TEK: variants seen among roughly 807,000 people sequenced by gnomAD.
The protein encoded by TEK is TEK receptor tyrosine kinase, also known as angiopoietin-1 receptor.
TEK carries 43 observed loss-of-function variants against 131.8 expected under a neutral mutation model. That is an observed-to-expected ratio of 0.33 (90% CI 0.26 to 0.42). The LOEUF (loss-of-function observed/expected upper bound fraction) is 0.42, where lower values mean the gene tolerates loss of function less well. Among genes scored for constraint, TEK ranks in the 10% least tolerant of loss-of-function variants. The probability of loss-of-function intolerance (pLI) is 1.00; values close to 1 mark genes in which losing one functional copy is unlikely to be tolerated. For missense variants in TEK, 1,162 were observed against 1,384.4 expected, an observed-to-expected ratio of 0.84 and a Z score of 2.55; for synonymous variants, 580 against 491.6, an observed-to-expected ratio of 1.18 and a Z score of -2.38.
chr9:27,151,383 C>T (rs569478990), intron 1 of TEK, among the ~76,000 whole-genome samples: 31 of 152,188 alleles, frequency 2.0e-4, no homozygotes, highest in African/African-American at 7.5e-4. Context: ...AAATTAATAG[C>T]AACTTTAAGA....
At chr9:27,153,687 G>A (rs1177201964) in intron 1 of TEK, among the ~76,000 whole-genome samples, 1 of 152,206 alleles carries the variant, frequency 6.6e-6, no homozygotes, top group African/African-American at 2.4e-5. Flanking sequence ...TATAATGTAA[G>A]AAAGGGTATT....
At position 27,109,599 on chromosome 9, in the gene TEK, T is replaced by A; in HGVS notation, c.9T>A (p.Ser3=). The change falls in exon 1 of 23, where the codon TCT becomes TCA. Residue 3 remains serine (S), a synonymous_variant. Transcript: ENST00000380036. MD[S]LASLVLCGVS... ...GAGAGATTTGGGGAAGCATGGACTC[T>A]TTAGCCAGCTTAGTTCTCTGTGGAG... 6.2e-7 allele frequency: 1 copy of A among 1,614,212 alleles called. No individual in the cohort carries two copies. Among genetic ancestry groups the A allele is most frequent in the Non-Finnish European group, 8.5e-7 (1 of 1,180,026 alleles).
intron 1 of TEK, among the ~76,000 whole-genome samples, chr9:27,111,412 C>G (rs544771648): frequency 6.9e-4 from 105 of 152,242 alleles, no homozygotes; most frequent in Non-Finnish European, 9.8e-4. Context: ...CCATAGGAGC[C>G]CGTTCCTCTA....
intron 2 of TEK, among the ~76,000 whole-genome samples, chr9:27,164,236 A>G (rs1823645291): frequency 6.6e-6 from 1 of 152,050 alleles, no homozygotes; most frequent in South Asian, 2.1e-4. Context: ...CCTATCTCAT[A>G]GGGATATTAT....
intron 21 of TEK, among the ~76,000 whole-genome samples, chr9:27,225,057 G>A (rs1826258014): frequency 6.6e-6 from 1 of 152,162 alleles, no homozygotes; most frequent in Non-Finnish European, 1.5e-5. Context: ...CAAGGGATGT[G>A]AAGGACCTCT....
rs1310645613 is a variant in TEK at position 27,109,465 on chromosome 9, C to T, written c.-126C>T. 1 of 961,938 alleles carries T rather than the reference C, an allele frequency of 1.0e-6. No homozygotes were observed. Among genetic ancestry groups the T allele is most frequent in the Non-Finnish European group, 1.7e-6 (1 of 587,602 alleles). 59.6% of individuals were successfully genotyped at this position (961,938 alleles called of 1,614,324 possible). A position where few individuals can be genotyped will look rare whatever the true frequency, so the allele number is the denominator to read the frequency against. On this transcript the variant is annotated 5_prime_UTR_variant, in exon 1 of 23. Coordinates refer to ENST00000380036, the MANE Select transcript of TEK (RefSeq NM_000459.5). ...CTGCTTCTGTGCTGTTCCTTCTTGCCTCTAACTTGTAAACAAGACGTAGTA... is the reference window on the plus strand; with the variant it reads ...CTGCTTCTGTGCTGTTCCTTCTTGCTTCTAACTTGTAAACAAGACGTAGTA...
At position 27,212,831 on chromosome 9, in the gene TEK, C is replaced by T. The variant is rs183991501; in HGVS notation, c.2811C>T (p.Ser937=). 1.2e-6 allele frequency: 2 copies of T among 1,614,160 alleles called. No individual in the cohort carries two copies. Among genetic ancestry groups the T allele is most frequent in the East Asian group, 2.2e-5 (1 of 44,856 alleles). Reference sequence around the variant, plus strand: ...CCAATAGCACCGCGTCCACACTGTCCTCCCAGCAGCTCCTTCACTTCGCTG... The same window carrying T: ...CCAATAGCACCGCGTCCACACTGTCTTCCCAGCAGCTCCTTCACTTCGCTG... ...AIANSTASTL[S]SQQLLHFAAD... Residue 937 remains serine (S), a synonymous_variant, in exon 17 of 23, where the codon TCC becomes TCT. Coordinates refer to ENST00000380036, the MANE Select transcript of TEK (RefSeq NM_000459.5).
At chr9:27,114,656 A>G (rs1314416304) in intron 1 of TEK, among the ~76,000 whole-genome samples, 1 of 152,222 alleles carries the variant, frequency 6.6e-6, no homozygotes, top group Non-Finnish European at 1.5e-5. Context: ...TCTGATAATC[A>G]ATTTTATATA....
At chr9:27,177,983 C>G (rs1363483103) in intron 6 of TEK, among the ~76,000 whole-genome samples, 1 of 152,038 alleles carries the variant, frequency 6.6e-6, no homozygotes, top group Non-Finnish European at 1.5e-5. Flanking sequence ...TCACATTTGT[C>G]TATTTGTGCT....
chr9:27,217,616 C>G, intron 18 of TEK, 72 bp from the exon 19 acceptor site: 6 of 1,368,198 alleles, frequency 4.4e-6, no homozygotes, highest in Non-Finnish European at 6.3e-6. Context: ...TGTGGAGCCA[C>G]AGCTCAGGCA....
At chr9:27,113,875 A>G (rs975486769) in intron 1 of TEK, among the ~76,000 whole-genome samples, 12 of 150,868 alleles carry the variant, frequency 8.0e-5, no homozygotes, top group African/African-American at 2.9e-4. Context: ...GTCTGCTTCA[A>G]CCAGGCCCAT....
chr9:27,129,744 C>G (rs1015565019), intron 1 of TEK, among the ~76,000 whole-genome samples: 6 of 152,164 alleles, frequency 3.9e-5, no homozygotes, highest in African/African-American at 1.4e-4. Flanking sequence ...GCCTGTTATT[C>G]CTGACAGAAT....
intron 21 of TEK, among the ~76,000 whole-genome samples, chr9:27,223,387 C>A (rs567950114): frequency 6.6e-6 from 1 of 152,254 alleles, no homozygotes; most frequent in East Asian, 1.9e-4. Context: ...CATTCCTAAG[C>A]AAATGCGAAA....
intron 2 of TEK, among the ~76,000 whole-genome samples, chr9:27,162,907 G>A (rs1235067935): frequency 6.6e-6 from 1 of 152,018 alleles, no homozygotes; most frequent in African/African-American, 2.4e-5. Context: ...GTAGAGACAG[G>A]GCTTTACCAT....
chr9:27,197,732 C>T, intron 12 of TEK, 133 bp downstream of exon 12: 3 of 1,084,574 alleles, frequency 2.8e-6, no homozygotes, highest in Non-Finnish European at 4.1e-6. Flanking sequence ...TAATTAGTGC[C>T]CCCCACCTAA....
At chr9:27,226,282 G>A (rs985925331) in intron 21 of TEK, among the ~76,000 whole-genome samples, 12 of 152,316 alleles carry the variant, frequency 7.9e-5, no homozygotes, top group African/African-American at 1.4e-4. Flanking sequence ...ACATGCACAC[G>A]TATGTTTATT....
At chr9:27,200,974 C>A (rs1264240380) in intron 12 of TEK, among the ~76,000 whole-genome samples, 1 of 152,146 alleles carries the variant, frequency 6.6e-6, no homozygotes, top group Admixed American at 6.5e-5. Flanking sequence ...TTTTTCCCCC[C>A]ACCATGCTAC....
intron 19 of TEK, 80 bp downstream of exon 19, chr9:27,217,838 C>G: frequency 7.9e-7 from 1 of 1,273,662 alleles, no homozygotes; most frequent in Non-Finnish European, 1.1e-6. Context: ...TAAAAAGATA[C>G]AGGAATGTCC....
In TEK at chr9:27,174,029, T is replaced by C. The variant is rs1824072168; in HGVS notation, c.901+667T>C. 7.9e-5 allele frequency among the ~76,000 whole-genome samples: 12 copies of C among 152,258 alleles called. No individual in the cohort carries two copies. In the South Asian group the frequency reaches 2.5e-3, roughly 32 times the overall value. ...AAAATCTTACCTGCCGTGGACCTTATGCAAGTAGTACTAACATCATCTACT... is the reference window on the plus strand; with the variant it reads ...AAAATCTTACCTGCCGTGGACCTTACGCAAGTAGTACTAACATCATCTACT... On this transcript the variant is annotated intron_variant, in intron 6 of 22. Coordinates refer to ENST00000380036, the MANE Select transcript of TEK (RefSeq NM_000459.5).
Sources: allele counts gnomAD v4.1 joint callset (sites outside exome capture counted in the v4.1 genomes callset), GRCh38; gene constraint gnomAD v4.1.1; transcripts MANE v1.5; gene names NCBI Gene and HGNC (gene_info 2026-07-23, HGNC 2026-07-21).